The following PHF20 variants were observed in gnomAD, a reference collection of about 807,000 sequenced individuals.
The protein encoded by PHF20 is PHD finger protein 20, also known as glioma-expressed antigen 2.
PHF20 carries 23 observed loss-of-function variants against 113.5 expected under a neutral mutation model. The observed-to-expected ratio is 0.20, with a 90% CI of 0.15 to 0.29. The LOEUF is 0.29. PHF20 is among the 10% of genes least tolerant of loss of function. The probability of loss-of-function intolerance (pLI) is 1.00; values close to 1 mark genes in which losing one functional copy is unlikely to be tolerated. For missense variants in PHF20, 943 were observed against 1,219.6 expected (o/e 0.77, Z 3.38); for synonymous variants, 434 against 457.3 (o/e 0.95, Z 0.65).
chr20:35,924,902 AT>A (rs1788516093), intron 13 of PHF20, among the ~76,000 whole-genome samples: 1 of 151,632 alleles, frequency 6.6e-6, no homozygotes, highest in African/African-American at 2.4e-5. Context: ...CGCCTGGCCC[AT>A]TTTTCTTTTT....
chr20:35,895,507 A>T (rs2054962231), intron 9 of PHF20, among the ~76,000 whole-genome samples: 1 of 152,018 alleles, frequency 6.6e-6, no homozygotes, highest in South Asian at 2.1e-4. Flanking sequence ...ATATGATTTA[A>T]CCTAATATAG....
At chr20:35,796,635 G>A (rs1040465543) in intron 1 of PHF20, among the ~76,000 whole-genome samples, 9 of 152,102 alleles carry the variant, frequency 5.9e-5, no homozygotes, top group Non-Finnish European at 1.2e-4. Context: ...GTTATATAAT[G>A]GTGTGATAAT....
chr20:35,838,919 A>T (rs563676688), intron 2 of PHF20, among the ~76,000 whole-genome samples: 1 of 151,634 alleles, frequency 6.6e-6, no homozygotes, highest in African/African-American at 2.4e-5. Flanking sequence ...ACTTGAGGTC[A>T]GGAGTTCAAA....
At chr20:35,935,463 T>C (rs2055846436) in intron 15 of PHF20, among the ~76,000 whole-genome samples, 1 of 152,114 alleles carries the variant, frequency 6.6e-6, no homozygotes, top group Admixed American at 6.6e-5. Flanking sequence ...GCCTCCCGAG[T>C]TCAAGCGATT....
chr20:35,833,907 A>C (rs2042395023), intron 2 of PHF20, among the ~76,000 whole-genome samples: 2 of 151,832 alleles, frequency 1.3e-5, no homozygotes, highest in African/African-American at 4.8e-5. Flanking sequence ...AAAATACAAA[A>C]ATTGGCCAGG....
intron 3 of PHF20, chr20:35,845,425 G>A: frequency 2.5e-6 from 1 of 395,384 alleles, no homozygotes; most frequent in Non-Finnish European, 5.2e-6. Context: ...AAGTGCAGTG[G>A]TGCAGTCTTG....
In PHF20 at chr20:35,950,145, A is replaced by G. The variant is rs1271437718; in HGVS notation, c.*2518A>G. 1 of 152,678 alleles carries G rather than the reference A, an allele frequency of 6.5e-6. No homozygotes were observed. The highest frequency in any genetic ancestry group is 1.5e-5 in the Non-Finnish European group (1 of 68,058). The allele number at this position is 152,678 out of a possible 1,614,324, so 9.5% of individuals were successfully genotyped here. ...TATCCACCTATAAAAAATTACCTTG[A>G]CAAAAATAGTTCCGGTTTGACTAAT... On this transcript the variant is annotated 3_prime_UTR_variant, in exon 18 of 18. Coordinates refer to ENST00000374012, the MANE Select transcript of PHF20 (RefSeq NM_016436.5).
At chr20:35,904,767 CTCCT>C (rs71184085) in intron 10 of PHF20, among the ~76,000 whole-genome samples, 38 of 125,684 alleles carry the variant, frequency 3.0e-4, no homozygotes, top group East Asian at 1.6e-3. Flanking sequence ...GATTTCTTTT[CTCCT>C]TCCTTCCTTC....
chr20:35,869,204 T>C (rs1412411192), intron 6 of PHF20, among the ~76,000 whole-genome samples: 2 of 152,160 alleles, frequency 1.3e-5, no homozygotes, highest in South Asian at 2.1e-4. Context: ...AGCTGGATCA[T>C]AGAAAAGATT....
rs891294138 is a variant in PHF20, at chr20:35,772,021, C to T, written c.-91C>T. 116 of 152,284 alleles carry T rather than the reference C, an allele frequency of 7.6e-4. 1 individual carries two copies. The highest frequency in any genetic ancestry group is 1.4e-3 in the Non-Finnish European group (98 of 68,024). The allele number at this position is 152,284 out of a possible 1,614,324, so 9.4% of individuals were successfully genotyped here. On this transcript the variant is annotated 5_prime_UTR_variant, in exon 1 of 18. Coordinates refer to ENST00000374012, the MANE Select transcript of PHF20 (RefSeq NM_016436.5). ...GTCCCGGGGGTCACGTGGTGCAGAG[C>T]ACGCAGAGTCCTTCTGTCGGTTGGT...
chr20:35,906,463 A>C (rs894573598), intron 10 of PHF20, among the ~76,000 whole-genome samples: 1 of 142,534 alleles, frequency 7.0e-6, no homozygotes, highest in African/African-American at 2.5e-5. Context: ...CAGGCTCTAA[A>C]GGTCCCTGGG....
At chr20:35,898,301 C>T (rs954577827) in intron 9 of PHF20, among the ~76,000 whole-genome samples, 5 of 152,210 alleles carry the variant, frequency 3.3e-5, no homozygotes, top group Admixed American at 1.3e-4. Flanking sequence ...CGTAAAATCT[C>T]TTAGGTTTCA....
At chr20:35,925,519 C>G (rs1034026865) in intron 13 of PHF20, among the ~76,000 whole-genome samples, 7 of 151,856 alleles carry the variant, frequency 4.6e-5, no homozygotes, top group African/African-American at 1.7e-4. Flanking sequence ...CCGCCTCGGC[C>G]TCCCAAAGTG....
chr20:35,842,326 C>T (rs1009579013), intron 2 of PHF20, among the ~76,000 whole-genome samples: 4 of 151,956 alleles, frequency 2.6e-5, no homozygotes, highest in African/African-American at 4.8e-5. Context: ...GGTGACAGAG[C>T]GAGACTCTGT....
chr20:35,811,895 C>G lies in PHF20; in HGVS notation c.83+10290C>G, dbSNP rs1322293379. 2.0e-5 allele frequency among the ~76,000 whole-genome samples: 3 copies of G among 152,048 alleles called. No homozygotes were observed. In the East Asian group the frequency reaches 5.8e-4, roughly 29 times the overall value. ...CCACCATTCTCCTGCCTCAGCCTCC[C>G]GAGTAGCTGGGACTACAGGCACCCG... is the stretch of plus-strand genomic sequence containing the variant. On this transcript the variant is annotated intron_variant, in intron 2 of 17. Transcript: ENST00000374012.
chr20:35,847,594 A>T (rs1465578740), intron 4 of PHF20, among the ~76,000 whole-genome samples, 160 bp downstream of exon 4: 3 of 152,180 alleles, frequency 2.0e-5, no homozygotes, highest in Non-Finnish European at 2.9e-5. Context: ...GGTAGAAATT[A>T]TAAGTGTAAA....
At chr20:35,925,815 A>G (rs1010631464) in intron 13 of PHF20, among the ~76,000 whole-genome samples, 14 of 151,604 alleles carry the variant, frequency 9.2e-5, no homozygotes, top group African/African-American at 3.4e-4. Context: ...TGTTTTAGCT[A>G]CACGCACATG....
At chr20:35,915,009 CAT>C (rs1213255230) in intron 12 of PHF20, among the ~76,000 whole-genome samples, 1 of 141,050 alleles carries the variant, frequency 7.1e-6, no homozygotes, top group East Asian at 2.0e-4. Context: ...TATACATATA[CAT>C]ATATATATGT....
At chr20:35,918,797 GC>G (rs2147093384) in intron 13 of PHF20, among the ~76,000 whole-genome samples, 1 of 152,278 alleles carries the variant, frequency 6.6e-6, no homozygotes, top group South Asian at 2.1e-4. Context: ...ATCGACAGGG[GC>G]AAAAAGACTG....
Sources: allele counts gnomAD v4.1 joint callset (sites outside exome capture counted in the v4.1 genomes callset), GRCh38; gene constraint gnomAD v4.1.1; transcripts MANE v1.5; gene names NCBI Gene and HGNC (gene_info 2026-07-23, HGNC 2026-07-21).